Variants in ANAPC5 observed in about 807,000 individuals in gnomAD.
The protein encoded by ANAPC5 is anaphase-promoting complex subunit 5.
A neutral mutation model predicts 91.3 loss-of-function variants in ANAPC5; 60 were observed. The observed-to-expected ratio is 0.66, with a 90% CI of 0.53 to 0.81. The LOEUF (loss-of-function observed/expected upper bound fraction) is 0.81, where lower values mean the gene tolerates loss of function less well. ANAPC5 is among the 40% of genes least tolerant of loss of function. The pLI is 0.00. For synonymous variants in ANAPC5, 340 were observed against 364.1 expected (o/e 0.93, Z 0.75); for missense variants, 690 against 931.5 (o/e 0.74, Z 3.37).
At chr12:121,346,219 C>G (rs1341898741) in intron 3 of ANAPC5, 188 bp from the exon 4 acceptor site, 2 of 533,896 alleles carry the variant, frequency 3.7e-6, no homozygotes, top group African/African-American at 3.9e-5. Context: ...CTGGTTTCTT[C>G]TTATACAGGG....
chr12:121,312,885 A>C (rs533376106), intron 15 of ANAPC5, among the ~76,000 whole-genome samples: 4 of 151,984 alleles, frequency 2.6e-5, no homozygotes, highest in South Asian at 2.1e-4. Flanking sequence ...GTCTCAAAAA[A>C]AAAATACACA....
At chr12:121,310,363 C>T (rs907054864) in intron 15 of ANAPC5, 28 of 153,056 alleles carry the variant, frequency 1.8e-4, no homozygotes, top group African/African-American at 6.5e-4. Flanking sequence ...AGTTCAAGAC[C>T]AGCCTGGGCA....
rs552135290 is a variant in ANAPC5 at position 121,319,800 on chromosome 12, G to T, written c.1534C>A (p.Gln512Lys). ...ATTGCTCTGTCAAACTGTATTTTTT[G>T]ATCACATAGCATCCATAACTAGTAA... Reference protein sequence around the residue: ...QHAQLWMLCDQKIQFDRAMND... With the variant: ...QHAQLWMLCDKKIQFDRAMND... Residue 512 changes from glutamine (Q) to lysine (K), a missense_variant, in exon 13 of 17, where the codon CAA becomes AAA. Transcript: ENST00000261819. 7 of 1,607,408 alleles carry T rather than the reference G, an allele frequency of 4.4e-6. No individual in the cohort carries two copies. The highest frequency in any genetic ancestry group is 3.4e-5 in the Admixed American group (2 of 59,106).
chr12:121,337,545 A>T, intron 5 of ANAPC5, 153 bp from the exon 6 acceptor site: 1 of 561,730 alleles, frequency 1.8e-6, no homozygotes. Flanking sequence ...GCCTTCCCTC[A>T]CTCTAGGTAA....
chr12:121,319,142 C>CAT (rs1491331221), intron 13 of ANAPC5, among the ~76,000 whole-genome samples: 2 of 151,934 alleles, frequency 1.3e-5, no homozygotes, highest in Non-Finnish European at 2.9e-5. Flanking sequence ...CACACACACA[C>CAT]GCATGCAGGA....
chr12:121,325,289 C>T (rs1713994745), intron 11 of ANAPC5, among the ~76,000 whole-genome samples: 1 of 151,936 alleles, frequency 6.6e-6, no homozygotes, highest in African/African-American at 2.4e-5. Context: ...ATGGTAAGAC[C>T]CCATCTCTAC....
In ANAPC5 at chr12:121,342,075, A is replaced by G. The variant is rs1555274158; in HGVS notation, c.591-6T>C. On this transcript the variant is annotated splice_region_variant and splice_polypyrimidine_tract_variant and intron_variant, in intron 4 of 16. Transcript: ENST00000261819. The surrounding 1 kb of genome is among the most constrained non-coding windows in gnomAD (Gnocchi z 4.1). ...TGCAAGATACCTCCTCTTCTCTGGA[A>G]AAAATAAAAAAACAAAAATAGTAAA... is the stretch of plus-strand genomic sequence containing the variant. 6.3e-7 allele frequency: 1 copy of G among 1,587,294 alleles called. No homozygotes were observed. The highest frequency in any genetic ancestry group is 1.2e-5 in the South Asian group (1 of 86,664).
intron 13 of ANAPC5, 103 bp from the exon 14 acceptor site, chr12:121,318,711 T>C (rs1490213251): frequency 2.8e-6 from 3 of 1,058,906 alleles, no homozygotes; most frequent in East Asian, 4.8e-5. Flanking sequence ...GGGAAAAAAC[T>C]GTGCCTGATT....
Position 121,318,338 on chromosome 12 carries a change from G to A in ANAPC5, c.1832C>T (p.Ser611Phe), listed in dbSNP as rs1197921890. 6.2e-7 allele frequency: 1 copy of A among 1,607,162 alleles called. No homozygotes were observed. The highest frequency in any genetic ancestry group is 1.3e-5 in the African/African-American group (1 of 74,552). ...LPMLLQALAL[S>F]KEYRLQYLAS... is the part of the protein sequence containing the mutation. ...CAAGTACTGTAACCGGTACTCCTTG[G>A]AGAGGGCCAGAGCCTGCAGGAGCAT... The change falls in exon 15 of 17, where the codon TCC (serine) becomes TTC (phenylalanine). Residue 611 changes from serine (S) to phenylalanine (F), a missense_variant. By Grantham distance (155) the Ser-to-Phe change is radical. Around this residue, in one of 5 missense-constraint regions of ANAPC5, gnomAD observed 317 missense variants for 438.7 expected, o/e 0.72. Coordinates refer to ENST00000261819, the MANE Select transcript of ANAPC5 (RefSeq NM_016237.5).
intron 4 of ANAPC5, among the ~76,000 whole-genome samples, chr12:121,344,892 C>T (rs1430923777): frequency 2.0e-5 from 3 of 152,214 alleles, no homozygotes; most frequent in Admixed American, 2.0e-4. Context: ...AAACTCCTCT[C>T]TAAGTTCCAA....
chr12:121,338,904 T>G (rs1332988573), intron 5 of ANAPC5, among the ~76,000 whole-genome samples: 4 of 151,970 alleles, frequency 2.6e-5, no homozygotes, highest in African/African-American at 9.7e-5. Context: ...ACAATATATG[T>G]TTATAATACA....
At chr12:121,328,943 C>G (rs1237128442) in intron 9 of ANAPC5, 6 of 153,150 alleles carry the variant, frequency 3.9e-5, no homozygotes, top group African/African-American at 1.4e-4. Context: ...GGATGCCTAT[C>G]ATGAGCAACA....
At position 121,330,641 on chromosome 12, in the gene ANAPC5, G is replaced by T; in HGVS notation, c.1064C>A (p.Ser355Tyr). The T allele has an allele frequency of 6.2e-7, 1 of 1,614,098 alleles. No homozygotes were observed. Among genetic ancestry groups the T allele is most frequent in the Non-Finnish European group, 8.5e-7 (1 of 1,179,982 alleles). ...SWLYVLGQKR[S>Y]DSYVLLEHSV... ...ATGCTCCAGCAGAACATAGCTATCG[G>T]ATCTCTTCTGCCCCAGCACATAAAG... The change falls in exon 9 of 17, where the codon TCC becomes TAC. Residue 355 changes from serine to tyrosine, a missense_variant. Coordinates refer to ENST00000261819, the MANE Select transcript of ANAPC5 (RefSeq NM_016237.5).
At chr12:121,315,610 C>T (rs1329096997) in intron 15 of ANAPC5, among the ~76,000 whole-genome samples, 1 of 151,998 alleles carries the variant, frequency 6.6e-6, no homozygotes. Context: ...ATTGAGAGTC[C>T]GAAAATAAAC....
intron 15 of ANAPC5, 120 bp from the exon 16 acceptor site, chr12:121,309,983 T>C (rs1013202855): frequency 4.3e-6 from 4 of 927,126 alleles, no homozygotes; most frequent in African/African-American, 1.7e-5. Context: ...TTACCTGACA[T>C]GTACTACGTT....
chr12:121,347,341 AT>A, intron 2 of ANAPC5: 1 of 277,840 alleles, frequency 3.6e-6, no homozygotes, highest in Non-Finnish European at 6.8e-6. Context: ...AATGTTACCC[AT>A]TTTTCAGCCA....
At chr12:121,318,796 G>A (rs1265416421) in intron 13 of ANAPC5, among the ~76,000 whole-genome samples, 188 bp from the exon 14 acceptor site, 3 of 152,200 alleles carry the variant, frequency 2.0e-5, no homozygotes, top group South Asian at 2.1e-4. Flanking sequence ...CGAGGCGGGC[G>A]AATCACAAGG....
chr12:121,328,385 T>C lies in ANAPC5; in HGVS notation c.1235A>G (p.His412Arg). Residue 412 changes from histidine (H) to arginine (R), a missense_variant, in exon 10 of 17, where the codon CAC becomes CGC. His to Arg is a conservative substitution (Grantham distance 29, BLOSUM62 0). This residue lies in a region of ANAPC5 where 317 missense variants were observed against 438.7 expected (regional missense o/e 0.72). Transcript: ENST00000261819. Reference protein sequence around the residue: ...LKDSDLLHWKHSLSELIDISI... With the variant: ...LKDSDLLHWKRSLSELIDISI... ...GATATCGATGAGCTCTGACAGGCTG[T>C]GTTTCCAGTGCAGGAGGTCGGAGTC... 1.2e-6 allele frequency: 2 copies of C among 1,613,948 alleles called. No homozygotes were observed. The highest frequency in any genetic ancestry group is 1.3e-5 in the African/African-American group (1 of 74,974).
intron 1 of ANAPC5, among the ~76,000 whole-genome samples, chr12:121,349,521 C>T (rs575099931): frequency 5.9e-5 from 9 of 151,444 alleles, no homozygotes; most frequent in Non-Finnish European, 7.4e-5. Flanking sequence ...GATCGCACCA[C>T]GGCACTCCAG....
Sources: allele counts gnomAD v4.1 joint callset (sites outside exome capture counted in the v4.1 genomes callset), GRCh38; gene constraint gnomAD v4.1.1; regional missense constraint gnomAD v4.1.1; non-coding constraint Gnocchi (gnomAD v3.1); transcripts MANE v1.5; gene names NCBI Gene and HGNC (gene_info 2026-07-23, HGNC 2026-07-21).